The following CTNNA3 variants were observed in gnomAD, a reference collection of about 807,000 sequenced individuals.
The protein encoded by CTNNA3 is catenin alpha 3.
Under a neutral mutation model 95.7 loss-of-function variants are expected in CTNNA3, and 76 were observed. The observed-to-expected ratio is 0.79, with a 90% confidence interval of 0.66 to 0.96. The LOEUF (loss-of-function observed/expected upper bound fraction) is 0.96, where lower values mean the gene tolerates loss of function less well. Ranked by LOEUF, CTNNA3 falls within the 40% of genes least tolerant of loss-of-function variation. CTNNA3 has a pLI of 0.00. For missense variants in CTNNA3, 1,191 were observed against 1,089.8 expected, an observed-to-expected ratio of 1.09 and a Z score of -1.31; for synonymous variants, 431 against 374.4, an observed-to-expected ratio of 1.15 and a Z score of -1.74.
chr10:66,916,717 C>A (rs542514340), intron 7 of CTNNA3, among the ~76,000 whole-genome samples: 197 of 152,182 alleles, frequency 1.3e-3, no homozygotes, highest in African/African-American at 4.6e-3. Context: ...GAAAGAAAAT[C>A]AGTAAGGAAG....
At chr10:67,390,299 A>G (rs2132765870) in intron 5 of CTNNA3, among the ~76,000 whole-genome samples, 1 of 152,352 alleles carries the variant, frequency 6.6e-6, no homozygotes, top group Admixed American at 6.5e-5. Context: ...AAACTAGAAA[A>G]TCTAGAAGAA....
chr10:67,694,715 A>T (rs1467985635), intron 1 of CTNNA3, among the ~76,000 whole-genome samples: 1 of 152,126 alleles, frequency 6.6e-6, no homozygotes, highest in Admixed American at 6.5e-5. Flanking sequence ...AAGGTTCCAA[A>T]TTTTATCTAT....
chr10:66,456,186 T>C (rs2093493966), intron 11 of CTNNA3, among the ~76,000 whole-genome samples: 1 of 152,072 alleles, frequency 6.6e-6, no homozygotes. Context: ...ATAAGCCAAT[T>C]TGAAGATTAA....
intron 11 of CTNNA3, among the ~76,000 whole-genome samples, chr10:66,510,235 G>T (rs1283604066): frequency 6.6e-6 from 1 of 151,582 alleles, no homozygotes; most frequent in African/African-American, 2.4e-5. Context: ...TTTGTATGTT[G>T]ATTTTTTTTA....
intron 1 of CTNNA3, among the ~76,000 whole-genome samples, chr10:67,670,089 TA>T (rs1360118728): frequency 6.6e-6 from 1 of 152,112 alleles, no homozygotes; most frequent in Non-Finnish European, 1.5e-5. Context: ...CAAATGACAC[TA>T]AGAAAAAATA....
chr10:66,822,439 T>G (rs547014321), intron 7 of CTNNA3, among the ~76,000 whole-genome samples: 1 of 152,302 alleles, frequency 6.6e-6, no homozygotes, highest in East Asian at 1.9e-4. Flanking sequence ...CTGGATACTT[T>G]CAGAGGAATA....
chr10:66,959,542 G>C (rs990878604), intron 7 of CTNNA3, among the ~76,000 whole-genome samples: 3 of 152,086 alleles, frequency 2.0e-5, no homozygotes, highest in Admixed American at 6.6e-5. Flanking sequence ...TTATTTCCAT[G>C]AGCTTGGGAA....
chr10:67,671,623 C>A (rs1395123931), intron 1 of CTNNA3, among the ~76,000 whole-genome samples: 1 of 150,882 alleles, frequency 6.6e-6, no homozygotes, highest in African/African-American at 2.5e-5. Context: ...GGTTTTTTGT[C>A]CTTGCGATAG....
intron 7 of CTNNA3, among the ~76,000 whole-genome samples, chr10:66,872,639 A>T (rs1844455439): frequency 6.6e-6 from 1 of 152,102 alleles, no homozygotes; most frequent in Non-Finnish European, 1.5e-5. Flanking sequence ...ACTGCACTCT[A>T]GCCTGGGTGA....
At chr10:67,080,932 AC>A (rs1408181167) in intron 7 of CTNNA3, among the ~76,000 whole-genome samples, 7 of 35,222 alleles carry the variant, frequency 2.0e-4, no homozygotes, top group Non-Finnish European at 3.0e-4. Context: ...AAACAAAAAA[AC>A]AACAAAAAAA....
chr10:66,592,826 G>A (rs1403242599), intron 10 of CTNNA3, among the ~76,000 whole-genome samples: 1 of 152,144 alleles, frequency 6.6e-6, no homozygotes, highest in Non-Finnish European at 1.5e-5. Flanking sequence ...TCTGCACAGG[G>A]TAAATATATT....
At chr10:66,722,103 G>A (rs1240606054) in intron 9 of CTNNA3, among the ~76,000 whole-genome samples, 1 of 152,178 alleles carries the variant, frequency 6.6e-6, no homozygotes, top group Non-Finnish European at 1.5e-5. Context: ...TAAAGGCCGG[G>A]TGCGGTGGCT....
At chr10:66,733,727 C>G (rs1328743085) in intron 9 of CTNNA3, among the ~76,000 whole-genome samples, 1 of 151,506 alleles carries the variant, frequency 6.6e-6, no homozygotes, top group Non-Finnish European at 1.5e-5. Context: ...CTAAGATTTT[C>G]TCTGTATTTG....
chr10:67,594,429 G>A (rs1842874824), intron 3 of CTNNA3, among the ~76,000 whole-genome samples: 1 of 152,022 alleles, frequency 6.6e-6, no homozygotes, highest in Admixed American at 6.6e-5. Context: ...TTCAATTTCA[G>A]AACTCATTAC....
intron 17 of CTNNA3, among the ~76,000 whole-genome samples, chr10:65,947,292 T>C (rs913022272): frequency 1.3e-5 from 2 of 152,186 alleles, no homozygotes; most frequent in African/African-American, 4.8e-5. Flanking sequence ...TCTTACCTTT[T>C]TTCTTTACAC....
chr10:66,903,281 C>T (rs1020193906), intron 7 of CTNNA3, among the ~76,000 whole-genome samples: 1 of 151,956 alleles, frequency 6.6e-6, no homozygotes, highest in African/African-American at 2.4e-5. Flanking sequence ...AAAAAACATA[C>T]AATTATCTGA....
chr10:66,465,280 T>C (rs1470389548), intron 11 of CTNNA3, among the ~76,000 whole-genome samples: 2 of 152,080 alleles, frequency 1.3e-5, no homozygotes, highest in Non-Finnish European at 2.9e-5. Flanking sequence ...GGGGGATCAC[T>C]GTGAGTGTCC....
In CTNNA3 at chr10:66,863,052, C is replaced by T. The variant is rs1345963190; in HGVS notation, c.1048-87528G>A. 3.9e-5 allele frequency among the ~76,000 whole-genome samples: 6 copies of T among 152,148 alleles called. No individual in the cohort carries two copies. In the South Asian group the frequency reaches 8.3e-4, roughly 21 times the overall value. On this transcript the variant is annotated intron_variant, in intron 7 of 17. Transcript: ENST00000433211. The stretch of plus-strand genomic sequence containing the variant: ...ATCCTTGAGACTGCAATGACACATC[C>T]ATTTTTCTTGTTCTTAAACCTTTGG...
At chr10:66,524,506 G>A (rs1285580775) in intron 10 of CTNNA3, among the ~76,000 whole-genome samples, 1 of 87,846 alleles carries the variant, frequency 1.1e-5, no homozygotes, top group Non-Finnish European at 2.5e-5. Context: ...TCTGTTGGCT[G>A]GCTGGTGATG....
Sources: gnomAD v4.1 joint callset for allele counts (sites outside exome capture counted in the v4.1 genomes callset) on GRCh38, gnomAD v4.1.1 for gene constraint, MANE v1.5 for transcripts, NCBI Gene and HGNC (gene_info 2026-07-23, HGNC 2026-07-21) for gene names.